The following SLC2A12 variants were observed in gnomAD, a reference collection of about 807,000 sequenced individuals.
SLC2A12 encodes solute carrier family 2 member 12.
A neutral mutation model predicts 41.8 loss-of-function variants in SLC2A12; 23 were observed. The ratio of observed to expected loss-of-function variants is 0.55; its 90% CI spans 0.40 to 0.78. The LOEUF (loss-of-function observed/expected upper bound fraction) is 0.78. SLC2A12 is among the 30% of genes least tolerant of loss of function. SLC2A12 has a pLI of 0.00. For missense variants in SLC2A12, 654 were observed against 745.6 expected (o/e 0.88, Z 1.43); for synonymous variants, 295 against 285.9 (o/e 1.03, Z -0.32).
chr6:134,011,056 TC>T (rs1776874864), intron 2 of SLC2A12, among the ~76,000 whole-genome samples: 1 of 152,108 alleles, frequency 6.6e-6, no homozygotes, highest in Non-Finnish European at 1.5e-5. Flanking sequence ...GTCTTGAAAA[TC>T]TTGCCAGAGA....
rs200798476 is a variant in SLC2A12, at chr6:134,029,399, G to A, written c.426C>T (p.Val142=). 6.2e-7 allele frequency: 1 copy of A among 1,614,178 alleles called. No individual in the cohort carries two copies. Residue 142 remains valine, a synonymous_variant, in exon 2 of 5, where the codon GTC becomes GTT. Transcript: ENST00000275230. ...TGGCAATGGAAGAGAGGGAGATGGAGACCCCTATGGCAATGCGTCCCACTA... is the reference window on the plus strand; with the variant it reads ...TGGCAATGGAAGAGAGGGAGATGGAAACCCCTATGGCAATGCGTCCCACTA... ...VLIVGRIAIG[V]SISLSSIATC...
chr6:134,018,786 G>A (rs1042442582), intron 2 of SLC2A12, among the ~76,000 whole-genome samples: 1 of 150,886 alleles, frequency 6.6e-6, no homozygotes, highest in East Asian at 1.9e-4. Flanking sequence ...CCCTATCACT[G>A]GTTCGTGAAA....
intron 2 of SLC2A12, 36 bp downstream of exon 2, chr6:134,028,345 G>C: frequency 1.9e-6 from 3 of 1,557,506 alleles, no homozygotes; most frequent in Non-Finnish European, 2.6e-6. Flanking sequence ...TGCTCTGACT[G>C]GTCAAAAGCA....
chr6:133,991,209 C>T lies in SLC2A12; in HGVS notation c.1800G>A (p.Glu600=), dbSNP rs142447236. 1.7e-5 allele frequency: 27 copies of T among 1,614,008 alleles called. No individual in the cohort carries two copies. Among genetic ancestry groups the T allele is most frequent in the Non-Finnish European group, 2.2e-5 (26 of 1,180,008 alleles). ...QKRKPQEQLL[E]CNKLCGRGQS... ...GGCCCCTACCACACAGCTTGTTACA[C>T]TCCAAGAGCTGCTCCTGGGGTTTTC... Residue 600 remains glutamate (E), a synonymous_variant, in exon 5 of 5, where the codon GAG becomes GAA. Coordinates refer to ENST00000275230, the MANE Select transcript of SLC2A12 (RefSeq NM_145176.3).
chr6:134,040,953 G>A (rs1176537562), intron 1 of SLC2A12, among the ~76,000 whole-genome samples: 1 of 152,190 alleles, frequency 6.6e-6, no homozygotes, highest in Admixed American at 6.5e-5. Flanking sequence ...CTCCTCTCAG[G>A]TCTTTTGCAC....
At chr6:134,002,440 C>A (rs1480757084) in intron 3 of SLC2A12, among the ~76,000 whole-genome samples, 2 of 151,896 alleles carry the variant, frequency 1.3e-5, no homozygotes, top group Admixed American at 6.6e-5. Context: ...TATAAAAAAG[C>A]ACATGCAAAA....
intron 2 of SLC2A12, among the ~76,000 whole-genome samples, chr6:134,012,711 C>T (rs1582604856): frequency 6.6e-6 from 1 of 152,166 alleles, no homozygotes; most frequent in East Asian, 1.9e-4. Flanking sequence ...CCCACTCCTA[C>T]AATTCCATTG....
At chr6:134,021,429 A>ACTACATTCT (rs1777038778) in intron 2 of SLC2A12, among the ~76,000 whole-genome samples, 1 of 152,222 alleles carries the variant, frequency 6.6e-6, no homozygotes, top group Non-Finnish European at 1.5e-5. Context: ...ACAGTCTATA[A>ACTACATTCT]CTACATTCTG....
chr6:134,012,975 T>C (rs1231256403), intron 2 of SLC2A12, among the ~76,000 whole-genome samples: 2 of 152,128 alleles, frequency 1.3e-5, no homozygotes, highest in Non-Finnish European at 2.9e-5. Flanking sequence ...ACCCTGTCTC[T>C]TAGAAAGTAA....
rs1777232879 is a variant in SLC2A12, at chr6:134,032,522, T to G, written c.104-2801A>C. On this transcript the variant is annotated intron_variant, in intron 1 of 4. Coordinates refer to ENST00000275230, the MANE Select transcript of SLC2A12 (RefSeq NM_145176.3). ...TTCACTGCTATATATATATAGCATA[T>G]ATACCAACATGGAGTTATATGCTAC... Among the ~76,000 whole-genome samples the G allele has an allele frequency of 2.1e-5, 3 of 142,968 alleles. No homozygotes were observed. The Admixed American group carries it at 2.1e-4, about 10-fold the overall frequency. 93.8% of individuals were successfully genotyped at this position (142,968 alleles called of 152,430 possible). A position where few individuals can be genotyped will look rare whatever the true frequency, so the allele number is the denominator to read the frequency against.
chr6:134,029,890 G>A (rs555014904), intron 1 of SLC2A12, among the ~76,000 whole-genome samples, 169 bp from the exon 2 acceptor site: 24 of 152,272 alleles, frequency 1.6e-4, no homozygotes, highest in South Asian at 1.2e-3. Context: ...TGATATAGAA[G>A]GAGAAATCAT....
At position 133,989,961 on chromosome 6, in the gene SLC2A12, T is replaced by C. The variant is rs1776598330; in HGVS notation, c.*1194A>G. 1 of 152,290 alleles carries C rather than the reference T, an allele frequency of 6.6e-6. No homozygotes were observed. The highest frequency in any genetic ancestry group is 2.1e-4 in the South Asian group (1 of 4,832). The allele number at this position is 152,290 out of a possible 1,614,324, so 9.4% of individuals were successfully genotyped here. ...ACTTAAATATTAGTAATTTAATATGTTATTTGGTTCAAGATTTGATTGTGG... is the reference window on the plus strand; with the variant it reads ...ACTTAAATATTAGTAATTTAATATGCTATTTGGTTCAAGATTTGATTGTGG... On this transcript the variant is annotated 3_prime_UTR_variant, in exon 5 of 5. Transcript: ENST00000275230.
chr6:133,994,454 G>A (rs867718696), intron 4 of SLC2A12, among the ~76,000 whole-genome samples: 2 of 152,164 alleles, frequency 1.3e-5, no homozygotes, highest in East Asian at 1.9e-4. Flanking sequence ...CTGGCTGGAC[G>A]CGGTGGCTCA....
At chr6:134,008,412 T>A (rs927751093) in intron 2 of SLC2A12, among the ~76,000 whole-genome samples, 1 of 152,230 alleles carries the variant, frequency 6.6e-6, no homozygotes, top group African/African-American at 2.4e-5. Context: ...GCATGGAAGA[T>A]AATTATAATA....
chr6:134,033,562 G>A (rs547745931), intron 1 of SLC2A12, among the ~76,000 whole-genome samples: 1 of 152,252 alleles, frequency 6.6e-6, no homozygotes, highest in African/African-American at 2.4e-5. Context: ...GGAGAAATAA[G>A]TGAATTTGGA....
In SLC2A12 at chr6:134,052,586, G is replaced by T; in HGVS notation, c.-106C>A. On this transcript the variant is annotated 5_prime_UTR_variant, in exon 1 of 5. Transcript: ENST00000275230. ...ATAATAGCATGCTAAAGAAGAGTGT[G>T]GGGAAAAACTTCGGGCAAAGCTAAT... 1 of 824,596 alleles carries T rather than the reference G, an allele frequency of 1.2e-6. No homozygotes were observed. The highest frequency in any genetic ancestry group is 2.5e-5 in the East Asian group (1 of 39,878). The allele number at this position is 824,596 out of a possible 1,614,324, so 51.1% of individuals were successfully genotyped here.
At chr6:134,042,389 T>C (rs1777393893) in intron 1 of SLC2A12, among the ~76,000 whole-genome samples, 1 of 152,060 alleles carries the variant, frequency 6.6e-6, no homozygotes, top group Non-Finnish European at 1.5e-5. Context: ...CTCACCGTTA[T>C]CATGTTGATA....
chr6:134,052,372 C>CTT lies in SLC2A12; in HGVS notation c.103+4_103+5dup, dbSNP rs1160842617. ...CGGTCACCCGAGCACTGCAGGCTCA[C>CTT]TTTACCTCTCGCCCAGGGAGGATGC... On this transcript the variant is annotated splice_donor_region_variant and intron_variant, in intron 1 of 4. Coordinates refer to ENST00000275230, the MANE Select transcript of SLC2A12 (RefSeq NM_145176.3). The CTT allele has an allele frequency of 6.2e-7, 1 of 1,611,158 alleles. No individual in the cohort carries two copies.
chr6:134,030,119 T>C (rs1777183011), intron 1 of SLC2A12, among the ~76,000 whole-genome samples: 1 of 152,166 alleles, frequency 6.6e-6, no homozygotes, highest in Admixed American at 6.5e-5. Flanking sequence ...ATTCCAGTTC[T>C]CTAAAGGCAA....
Sources: allele counts gnomAD v4.1 joint callset (sites outside exome capture counted in the v4.1 genomes callset), GRCh38; gene constraint gnomAD v4.1.1; transcripts MANE v1.5; gene names NCBI Gene and HGNC (gene_info 2026-07-23, HGNC 2026-07-21).